The following RPGRIP1L variants were observed in gnomAD, a reference collection of about 807,000 sequenced individuals.
The protein encoded by RPGRIP1L is RPGRIP1 like.
In RPGRIP1L, 131 loss-of-function variants were observed where a neutral mutation model predicts 160.4. The ratio of observed to expected loss-of-function variants is 0.82; its 90% confidence interval spans 0.71 to 0.94. RPGRIP1L has a LOEUF of 0.94. RPGRIP1L is among the 40% of genes least tolerant of loss of function. The pLI, the probability that RPGRIP1L is intolerant of heterozygous loss-of-function variation, is 0.00. For missense variants in RPGRIP1L, 1,522 were observed against 1,535.8 expected, an observed-to-expected ratio of 0.99 and a Z score of 0.15; for synonymous variants, 510 against 515.8, an observed-to-expected ratio of 0.99 and a Z score of 0.15.
chr16:53,614,538 TG>T, intron 24 of RPGRIP1L, among the ~76,000 whole-genome samples: 1 of 152,310 alleles, frequency 6.6e-6, no homozygotes, highest in South Asian at 2.1e-4. Context: ...AATTTTTAAA[TG>T]GGATCAGGAG....
chr16:53,614,661 C>G (rs1371881755), intron 24 of RPGRIP1L, among the ~76,000 whole-genome samples: 2 of 152,054 alleles, frequency 1.3e-5, no homozygotes, highest in Admixed American at 6.6e-5. Flanking sequence ...TTCTAAAACC[C>G]TAGATGGTTA....
In RPGRIP1L at chr16:53,652,789, C is replaced by T. The variant is rs1966889140; in HGVS notation, c.1898G>A (p.Cys633Tyr). The stretch of plus-strand genomic sequence containing the variant: ...TTCAAAATCATAGAAAGCATAGGTA[C>T]AGAAAGTGACAGGCTCTTTATCTCC... ...ASGDKEPVTF[C>Y]TYAFYDFELQ... The change falls in exon 15 of 27, where the codon TGT (cysteine) becomes TAT (tyrosine). Residue 633 changes from cysteine to tyrosine, a missense_variant. Cys to Tyr is a radical substitution (Grantham distance 194). Coordinates refer to ENST00000647211, the MANE Select transcript of RPGRIP1L (RefSeq NM_015272.5). 1 of 1,614,106 alleles carries T rather than the reference C, an allele frequency of 6.2e-7. No homozygotes were observed. Among genetic ancestry groups the T allele is most frequent in the East Asian group, 2.2e-5 (1 of 44,872 alleles).
chr16:53,619,153 A>T lies in RPGRIP1L; in HGVS notation c.3488T>A (p.Val1163Glu). 2 of 1,614,096 alleles carry T rather than the reference A, an allele frequency of 1.2e-6. No homozygotes were observed. Among genetic ancestry groups the T allele is most frequent in the South Asian group, 1.1e-5 (1 of 91,084 alleles). Residue 1163 changes from valine (V) to glutamate (E), a missense_variant, in exon 24 of 27, where the codon GTA becomes GAA. Coordinates refer to ENST00000647211, the MANE Select transcript of RPGRIP1L (RefSeq NM_015272.5). ...IIALSLNDSQVTMDDTIQRLF... is the reference protein window; with the variant it reads ...IIALSLNDSQETMDDTIQRLF... ...CCGTTGGATAGTGTCATCCATGGTT[A>T]CTTGAGAATCATTAAGGCTTAGAGC...
chr16:53,623,624 C>G (rs1284000592), intron 22 of RPGRIP1L, among the ~76,000 whole-genome samples: 7 of 152,180 alleles, frequency 4.6e-5, no homozygotes, highest in Non-Finnish European at 1.5e-5. Flanking sequence ...CTGTGAGGCC[C>G]TGAACCACAC....
intron 22 of RPGRIP1L, among the ~76,000 whole-genome samples, chr16:53,627,675 C>T (rs986933155): frequency 2.6e-5 from 4 of 151,924 alleles, no homozygotes; most frequent in African/African-American, 9.7e-5. Flanking sequence ...GTATTATTTT[C>T]TGTTTTTTGG....
intron 1 of RPGRIP1L, among the ~76,000 whole-genome samples, chr16:53,701,371 T>C (rs190792792): frequency 1.5e-3 from 227 of 151,990 alleles, no homozygotes; most frequent in Non-Finnish European, 2.5e-3. Flanking sequence ...CTTGCCTTTG[T>C]TGCCATGAGG....
chr16:53,630,672 T>C (rs916601889), intron 22 of RPGRIP1L, among the ~76,000 whole-genome samples: 1 of 152,210 alleles, frequency 6.6e-6, no homozygotes, highest in Non-Finnish European at 1.5e-5. Flanking sequence ...AAAATAGTTT[T>C]AAAAGCAATT....
In RPGRIP1L at chr16:53,619,101, A is replaced by C. The variant is rs1227260026; in HGVS notation, c.3540T>G (p.Ser1180Arg). The C allele has an allele frequency of 6.2e-7, 1 of 1,614,086 alleles. No homozygotes were observed. The highest frequency in any genetic ancestry group is 2.2e-5 in the East Asian group (1 of 44,874). The change falls in exon 24 of 27, where the codon AGT becomes AGG. Residue 1180 changes from serine (S) to arginine (R), a missense_variant. Coordinates refer to ENST00000647211, the MANE Select transcript of RPGRIP1L (RefSeq NM_015272.5). ...QRLFVECRFY[S>R]LPAEETPVSL... ...ACACGGGTGTCTCTTCAGCAGGAAG[A>C]CTGTAGAATCGACACTCAACAAACA...
At chr16:53,619,786 T>C (rs1284598378) in intron 23 of RPGRIP1L, among the ~76,000 whole-genome samples, 3 of 152,216 alleles carry the variant, frequency 2.0e-5, no homozygotes, top group African/African-American at 7.2e-5. Flanking sequence ...GAAACAATTT[T>C]ATGTCTAATT....
Position 53,622,121 on chromosome 16 carries a change from T to C in RPGRIP1L, c.3432+98A>G, listed in dbSNP as rs986126833. The C allele has an allele frequency of 3.4e-5, 15 of 438,778 alleles. No individual in the cohort carries two copies. The Admixed American group carries it at 5.8e-4, about 17-fold the overall frequency. The allele number at this position is 438,778 out of a possible 1,614,324, so 27.2% of individuals were successfully genotyped here. A position where few individuals can be genotyped will look rare whatever the true frequency, so the allele number is the denominator to read the frequency against. ...GGCTCATGCCTGTAATCCCAGCACT[T>C]TGGGAGGCAGAGGTGGGCGGATCAT... On this transcript the variant is annotated intron_variant, in intron 23 of 26. Coordinates refer to ENST00000647211, the MANE Select transcript of RPGRIP1L (RefSeq NM_015272.5).
At chr16:53,697,920 C>G (rs555291816) in intron 2 of RPGRIP1L, among the ~76,000 whole-genome samples, 3 of 150,294 alleles carry the variant, frequency 2.0e-5, no homozygotes, top group Non-Finnish European at 4.4e-5. Context: ...AAGTGAGGAG[C>G]GCCTCTTCCC....
At chr16:53,671,045 C>T (rs1024263102) in intron 9 of RPGRIP1L, among the ~76,000 whole-genome samples, 1 of 152,098 alleles carries the variant, frequency 6.6e-6, no homozygotes, top group Non-Finnish European at 1.5e-5. Flanking sequence ...TGCAGTGAGC[C>T]ATGATTGTGC....
intron 14 of RPGRIP1L, chr16:53,653,412 G>A: frequency 1.1e-6 from 1 of 888,908 alleles, no homozygotes; most frequent in Non-Finnish European, 1.4e-6. Context: ...TTCTTCGTGG[G>A]GTGATGGATA....
chr16:53,671,237 CTGTT>C (rs1235319716), intron 9 of RPGRIP1L, among the ~76,000 whole-genome samples: 1 of 151,990 alleles, frequency 6.6e-6, no homozygotes. Context: ...AGCATGGTGT[CTGTT>C]AGTTTATAGT....
At chr16:53,635,168 A>G (rs1310231294) in intron 22 of RPGRIP1L, among the ~76,000 whole-genome samples, 1 of 152,176 alleles carries the variant, frequency 6.6e-6, no homozygotes, top group Non-Finnish European at 1.5e-5. Context: ...TTATTTTGCT[A>G]AACTTCTTTG....
intron 2 of RPGRIP1L, among the ~76,000 whole-genome samples, chr16:53,699,783 A>T (rs1042354280): frequency 1.4e-5 from 2 of 142,894 alleles, no homozygotes; most frequent in African/African-American, 5.4e-5. Flanking sequence ...GCGCCACTGC[A>T]CTCCAGCCTG....
intron 15 of RPGRIP1L, among the ~76,000 whole-genome samples, chr16:53,650,232 C>T (rs145315497): frequency 6.6e-6 from 1 of 152,184 alleles, no homozygotes; most frequent in South Asian, 2.1e-4. Flanking sequence ...CCGAGATTGA[C>T]CCCTTCTTGC....
chr16:53,603,997 T>C (rs1480077206), intron 26 of RPGRIP1L, among the ~76,000 whole-genome samples: 1 of 152,166 alleles, frequency 6.6e-6, no homozygotes, highest in African/African-American at 2.4e-5. Flanking sequence ...AGAAGATGGG[T>C]TGCTAAACAG....
At chr16:53,614,118 A>G (rs530828112) in intron 24 of RPGRIP1L, among the ~76,000 whole-genome samples, 3 of 152,342 alleles carry the variant, frequency 2.0e-5, no homozygotes, top group African/African-American at 7.2e-5. Flanking sequence ...CTTTTGTTTC[A>G]TAAAGGAATA....
Sources: gnomAD v4.1 joint callset for allele counts (sites outside exome capture counted in the v4.1 genomes callset) on GRCh38, gnomAD v4.1.1 for gene constraint, MANE v1.5 for transcripts, NCBI Gene and HGNC (gene_info 2026-07-23, HGNC 2026-07-21) for gene names.